The following INTS3 variants were observed in gnomAD, a reference collection of about 807,000 sequenced individuals.
INTS3 encodes the protein integrator complex subunit 3.
Under a neutral mutation model 146.3 loss-of-function variants are expected in INTS3, and 34 were observed. The observed-to-expected ratio is 0.23, with a 90% CI of 0.18 to 0.31. INTS3 has a LOEUF of 0.31. INTS3 is among the 10% of genes least tolerant of loss of function. INTS3 has a pLI of 1.00. For synonymous variants in INTS3, 475 were observed against 494.9 expected, an observed-to-expected ratio of 0.96 and a Z score of 0.53; for missense variants, 757 against 1,304.2, an observed-to-expected ratio of 0.58 and a Z score of 6.46.
chr1:153,772,199 C>T lies in INTS3; in HGVS notation c.2721-141C>T. On this transcript the variant is annotated intron_variant, in intron 26 of 29. Transcript: ENST00000318967. The surrounding 1 kb of genome is among the most constrained non-coding windows in gnomAD (Gnocchi z 4.6). ...CCTGTTCTAGGCACACCTTTCTCAC[C>T]CAACCCCAGCCCTCCCAGGCTGCCT... 9.6e-7 allele frequency: 1 copy of T among 1,043,176 alleles called. No individual in the cohort carries two copies. The highest frequency in any genetic ancestry group is 1.5e-5 in the South Asian group (1 of 65,244). 64.6% of individuals were successfully genotyped at this position (1,043,176 alleles called of 1,614,324 possible). A position where few individuals can be genotyped will look rare whatever the true frequency, so the allele number is the denominator to read the frequency against.
At chr1:153,770,584 T>C in intron 24 of INTS3, 101 bp from the exon 25 acceptor site, 1 of 992,106 alleles carries the variant, frequency 1.0e-6, no homozygotes, top group Non-Finnish European at 1.6e-6. Flanking sequence ...TCAAAGACTG[T>C]CCTTATTCCC....
chr1:153,772,732 G>T lies in INTS3; in HGVS notation c.2894+21G>T. The T allele has an allele frequency of 6.2e-7, 1 of 1,611,410 alleles. No individual in the cohort carries two copies. Among genetic ancestry groups the T allele is most frequent in the Non-Finnish European group, 8.5e-7 (1 of 1,178,474 alleles). On this transcript the variant is annotated intron_variant, in intron 28 of 29. Coordinates refer to ENST00000318967, the MANE Select transcript of INTS3 (RefSeq NM_023015.5). The surrounding 1 kb of genome is among the most constrained non-coding windows in gnomAD (Gnocchi z 4.6). ...ATGAAGTGAGGCTCCTGCCACTTTGGGCCTTGGAAAGTAGTAGGGGAAAAG... is the reference window on the plus strand; with the variant it reads ...ATGAAGTGAGGCTCCTGCCACTTTGTGCCTTGGAAAGTAGTAGGGGAAAAG...
chr1:153,741,518 C>T (rs1671535498), intron 3 of INTS3, 150 bp downstream of exon 3: 1 of 607,960 alleles, frequency 1.6e-6, no homozygotes, highest in South Asian at 2.1e-5. Flanking sequence ...CCTTTTTACT[C>T]AGTGAATTGG....
intron 23 of INTS3, 68 bp from the exon 24 acceptor site, chr1:153,770,130 G>C: frequency 2.0e-6 from 1 of 508,120 alleles, no homozygotes; most frequent in South Asian, 1.9e-5. Flanking sequence ...GGGGGGGTGG[G>C]GGGGGTGTGT....
intron 25 of INTS3, among the ~76,000 whole-genome samples, chr1:153,771,227 CT>C (rs1672847699): frequency 6.6e-6 from 1 of 152,228 alleles, no homozygotes; most frequent in Non-Finnish European, 1.5e-5. Context: ...CCGCAAAGCC[CT>C]TTAGCAACAT....
rs374307794 is a variant in INTS3, at chr1:153,764,744, C to T, written c.1970+10C>T. ...TGTACCTAATATTTAGGTAAGCACG[C>T]AGCTATAGGAGATACTGTTCTACCC... On this transcript the variant is annotated intron_variant, in intron 19 of 29. Coordinates refer to ENST00000318967, the MANE Select transcript of INTS3 (RefSeq NM_023015.5). 3.1e-6 allele frequency: 5 copies of T among 1,600,636 alleles called. No homozygotes were observed. Among genetic ancestry groups the T allele is most frequent in the Non-Finnish European group, 4.3e-6 (5 of 1,167,868 alleles).
Position 153,772,973 on chromosome 1 carries a change from C to T in INTS3, c.2943C>T (p.Thr981=), listed in dbSNP as rs1672967465. 1 of 1,614,050 alleles carries T rather than the reference C, an allele frequency of 6.2e-7. No homozygotes were observed. The highest frequency in any genetic ancestry group is 1.7e-5 in the Admixed American group (1 of 59,994). The change falls in exon 29 of 30, where the codon ACC becomes ACT. Residue 981 remains threonine (T), a synonymous_variant. Transcript: ENST00000318967. This position sits in a 1 kb window ranked among gnomAD's most constrained non-coding sequence, Gnocchi z 4.6. ...CGGAGGAATATGAGGACTCTTCCAC[C>T]AAGCCACCCAAGAGCCGGCGAAAAG... ...SLAEEYEDSS[T]KPPKSRRKAA...
rs1394443898 is a variant in INTS3, at chr1:153,767,834, G to A, written c.2244+7G>A. On this transcript the variant is annotated splice_region_variant and intron_variant, in intron 21 of 29. Transcript: ENST00000318967. ...GCCCTCCATCTACACAGAGGTCAGT[G>A]CCTGCATCCGTATCTGTGCCGGGGG... 2 of 1,600,336 alleles carry A rather than the reference G, an allele frequency of 1.2e-6. No individual in the cohort carries two copies. The highest frequency in any genetic ancestry group is 2.3e-5 in the East Asian group (1 of 44,410).
chr1:153,770,545 TG>T, intron 24 of INTS3, 139 bp from the exon 25 acceptor site: 1 of 748,880 alleles, frequency 1.3e-6, no homozygotes, highest in Non-Finnish European at 2.3e-6. Flanking sequence ...CTGATAGGAG[TG>T]GGGTAGGGGA....
At chr1:153,761,849 CTTGA>C (rs750153850) in intron 14 of INTS3, among the ~76,000 whole-genome samples, 173 bp downstream of exon 14, 8 of 152,216 alleles carry the variant, frequency 5.3e-5, no homozygotes, top group Non-Finnish European at 1.2e-4. Flanking sequence ...TGTTGTCTGT[CTTGA>C]TTCTCTTGCT....
rs1221080903 is a variant in INTS3, at chr1:153,772,400, G to A, written c.2781G>A (p.Leu927=). Residue 927 remains leucine, a synonymous_variant, in exon 27 of 30, where the codon TTG becomes TTA. Coordinates refer to ENST00000318967, the MANE Select transcript of INTS3 (RefSeq NM_023015.5). This position sits in a 1 kb window ranked among gnomAD's most constrained non-coding sequence, Gnocchi z 4.6. ...CTCTGGAGCAGATCCTGGAGCACTT[G>A]GACAATCTGCGGCTCAACCTGACCA... ...QLTLEQILEH[L]DNLRLNLTNT... The A allele has an allele frequency of 1.2e-6, 2 of 1,614,122 alleles. No individual in the cohort carries two copies. The highest frequency in any genetic ancestry group is 1.7e-6 in the Non-Finnish European group (2 of 1,180,012).
intron 25 of INTS3, among the ~76,000 whole-genome samples, 166 bp downstream of exon 25, chr1:153,770,899 T>C (rs560834226): frequency 3.3e-5 from 5 of 152,292 alleles, no homozygotes; most frequent in African/African-American, 1.2e-4. Context: ...GCAGCTCCCC[T>C]GGGATCTGGG....
chr1:153,738,279 T>G (rs1671377824), intron 1 of INTS3, among the ~76,000 whole-genome samples: 1 of 151,964 alleles, frequency 6.6e-6, no homozygotes, highest in Non-Finnish European at 1.5e-5. Context: ...TTTTCTTATT[T>G]ATAGAGATGG....
At position 153,772,585 on chromosome 1, in the gene INTS3, G is replaced by A; in HGVS notation, c.2822-54G>A. ...ACAACCTGTGCGTGCTGTTTAATAA[G>A]CTCCCAGACATCTGATTGTTTTTCC... is the stretch of plus-strand genomic sequence containing the variant. On this transcript the variant is annotated intron_variant, in intron 27 of 29. Coordinates refer to ENST00000318967, the MANE Select transcript of INTS3 (RefSeq NM_023015.5). This position sits in a 1 kb window ranked among gnomAD's most constrained non-coding sequence, Gnocchi z 4.6. 1 of 1,613,326 alleles carries A rather than the reference G, an allele frequency of 6.2e-7. No individual in the cohort carries two copies. The highest frequency in any genetic ancestry group is 2.2e-5 in the East Asian group (1 of 44,866).
In INTS3 at chr1:153,763,842, G is replaced by A; in HGVS notation, c.1777G>A (p.Ala593Thr). The part of the protein sequence containing the change: ...LQLQKGSDTE[A>T]QCEVMQEIVD... ...ATTTCTGTCCTGCAGTGATACGGAG[G>A]CCCAGTGTGAGGTCATGCAGGAAAT... Residue 593 changes from alanine (A) to threonine (T), a missense_variant, in exon 17 of 30, where the codon GCC becomes ACC. By Grantham distance (58) the Ala-to-Thr change is moderately conservative (BLOSUM62 0). This residue lies in a region of INTS3 where 89 missense variants were observed against 210.9 expected (regional missense o/e 0.42). Transcript: ENST00000318967. 6.2e-7 allele frequency: 1 copy of A among 1,613,918 alleles called. No individual in the cohort carries two copies. The highest frequency in any genetic ancestry group is 8.5e-7 in the Non-Finnish European group (1 of 1,179,902).
intron 11 of INTS3, 23 bp downstream of exon 11, chr1:153,759,636 C>T (rs1287996644): frequency 4.8e-6 from 7 of 1,472,604 alleles, no homozygotes; most frequent in Non-Finnish European, 5.7e-6. Flanking sequence ...GACCAGGCGG[C>T]TCCACTTCCC....
rs762390639 is a variant in INTS3 at position 153,757,685 on chromosome 1, C to G, written c.1071C>G (p.Val357=). 2 of 1,614,140 alleles carry G rather than the reference C, an allele frequency of 1.2e-6. No individual in the cohort carries two copies. Among genetic ancestry groups the G allele is most frequent in the Admixed American group, 3.3e-5 (2 of 60,014 alleles). Residue 357 remains valine, a synonymous_variant, in exon 10 of 30, where the codon GTC becomes GTG. Coordinates refer to ENST00000318967, the MANE Select transcript of INTS3 (RefSeq NM_023015.5). The surrounding 1 kb of genome is among the most constrained non-coding windows in gnomAD (Gnocchi z 4.0). ...CDLIRYICGV[V]HPSNEVLSSD... is the part of the protein sequence containing the mutation. ...TCATTCGCTACATCTGTGGGGTAGT[C>G]CACCCTTCTAATGAAGTACTGAGTT...
intron 8 of INTS3, among the ~76,000 whole-genome samples, chr1:153,753,210 T>G (rs918080370): frequency 2.6e-5 from 4 of 152,176 alleles, no homozygotes; most frequent in African/African-American, 7.2e-5. Context: ...TTACCTCATT[T>G]AATCTTCTGG....
intron 5 of INTS3, 81 bp downstream of exon 5, chr1:153,747,444 C>T: frequency 1.9e-6 from 2 of 1,061,626 alleles, no homozygotes; most frequent in Non-Finnish European, 2.9e-6. Context: ...TGATTAAGTG[C>T]CAAAGGGATG....
Sources: gnomAD v4.1 joint callset for allele counts (sites outside exome capture counted in the v4.1 genomes callset) on GRCh38, gnomAD v4.1.1 for gene constraint, gnomAD v4.1.1 regional missense constraint, Gnocchi (gnomAD v3.1) non-coding constraint, MANE v1.5 for transcripts, NCBI Gene and HGNC (gene_info 2026-07-23, HGNC 2026-07-21) for gene names.